Variants in C11orf65 observed in about 807,000 individuals in gnomAD.
The protein encoded by C11orf65 is protein MFI.
Under a neutral mutation model 35.3 loss-of-function variants are expected in C11orf65, and 38 were observed. That is an observed-to-expected ratio of 1.08 (90% CI 0.83 to 1.41). C11orf65 has a LOEUF of 1.41. Among genes scored for constraint, C11orf65 ranks in the 40% most tolerant of loss-of-function variants. The pLI, the probability that C11orf65 is intolerant of heterozygous loss-of-function variation, is 0.00. For synonymous variants in C11orf65, 105 were observed against 114.4 expected (o/e 0.92, Z 0.53); for missense variants, 370 against 367.1 (o/e 1.01, Z -0.06).
chr11:108,374,797 C>A (rs916411349), intron 2 of C11orf65, among the ~76,000 whole-genome samples: 1 of 152,106 alleles, frequency 6.6e-6, no homozygotes, highest in African/African-American at 2.4e-5. Context: ...CTTAAAGGAG[C>A]TGATGGAGCT....
At chr11:108,401,179 T>G (rs1224760300) in intron 6 of C11orf65, among the ~76,000 whole-genome samples, 1 of 151,880 alleles carries the variant, frequency 6.6e-6, no homozygotes, top group East Asian at 1.9e-4. Flanking sequence ...ACTTCATAGC[T>G]TGATGAAAAA....
rs2091248229 is a variant in C11orf65 at position 108,365,418 on chromosome 11, T to C, written c.226+27790A>G. Reference sequence around the variant, plus strand: ...GAGTGGAAGAAGGCACTGTGCTCAGTGTTGGTGGACAAGTGAATTTGCTCA... The same window carrying C: ...GAGTGGAAGAAGGCACTGTGCTCAGCGTTGGTGGACAAGTGAATTTGCTCA... On this transcript the variant is annotated intron_variant, in intron 2 of 3. Transcript: ENST00000524755. 6.2e-7 allele frequency: 1 copy of C among 1,614,192 alleles called. No individual in the cohort carries two copies. Among genetic ancestry groups the C allele is most frequent in the South Asian group, 1.1e-5 (1 of 91,086 alleles).
intron 2 of C11orf65, among the ~76,000 whole-genome samples, chr11:108,354,070 AACACACACACACACACAC>A (rs71047689): frequency 1.7e-5 from 2 of 114,948 alleles, no homozygotes; most frequent in African/African-American, 5.9e-5. Context: ...CACACACACA[AACACACACACACACACAC>A]ACACACACAC....
intron 3 of C11orf65, among the ~76,000 whole-genome samples, chr11:108,422,689 C>T (rs1276456372): frequency 6.6e-6 from 1 of 152,074 alleles, no homozygotes; most frequent in East Asian, 1.9e-4. Context: ...GGAGACCATC[C>T]TGGCTAACAT....
chr11:108,404,347 T>C (rs2092497205), intron 6 of C11orf65, among the ~76,000 whole-genome samples: 4 of 152,350 alleles, frequency 2.6e-5, no homozygotes, highest in Admixed American at 2.6e-4. Context: ...TAAATGTTGC[T>C]GTGACTTCCA....
chr11:108,314,114 A>G (rs676729), intron 6 of C11orf65, among the ~76,000 whole-genome samples: 74,854 of 151,838 alleles, frequency 0.49, 20,027 homozygotes, highest in Middle Eastern at 0.72. Context: ...TCTAATGTAC[A>G]GTTTTTTTGT....
In C11orf65 at chr11:108,382,853, T is replaced by G; in HGVS notation, c.*168A>C. Reference sequence around the variant, plus strand: ...ATTTCTATATTTGCCATGATCATTGTATTCAGTCCAGTGTTCTATTTCTGC... The same window carrying G: ...ATTTCTATATTTGCCATGATCATTGGATTCAGTCCAGTGTTCTATTTCTGC... On this transcript the variant is annotated 3_prime_UTR_variant, in exon 9 of 9. Transcript: ENST00000393084. 7.0e-7 allele frequency: 1 copy of G among 1,431,638 alleles called. No homozygotes were observed. The highest frequency in any genetic ancestry group is 9.1e-7 in the Non-Finnish European group (1 of 1,100,012). 88.7% of individuals were successfully genotyped at this position (1,431,638 alleles called of 1,614,324 possible). A position where few individuals can be genotyped will look rare whatever the true frequency, so the allele number is the denominator to read the frequency against.
chr11:108,354,687 A>G (rs969384235), intron 2 of C11orf65: 2 of 869,796 alleles, frequency 2.3e-6, no homozygotes, highest in Non-Finnish European at 3.9e-6. Context: ...TGCTATTTTG[A>G]GATACAGATA....
intron 2 of C11orf65, among the ~76,000 whole-genome samples, chr11:108,448,342 T>C (rs935664146): frequency 1.3e-5 from 2 of 152,166 alleles, no homozygotes; most frequent in African/African-American, 4.8e-5. Context: ...AAAAGAGAAT[T>C]TTAGGCCAAT....
At chr11:108,460,874 C>T (rs964796468) in intron 2 of C11orf65, among the ~76,000 whole-genome samples, 5 of 151,850 alleles carry the variant, frequency 3.3e-5, no homozygotes, top group East Asian at 1.9e-4. Flanking sequence ...TACAGGCATG[C>T]GCCACCACAC....
At chr11:108,464,552 G>C (rs1280028096) in intron 1 of C11orf65, among the ~76,000 whole-genome samples, 3 of 152,026 alleles carry the variant, frequency 2.0e-5, no homozygotes, top group Non-Finnish European at 2.9e-5. Context: ...AGTAGAGATG[G>C]GGTTTCACCA....
chr11:108,376,064 T>G (rs2091715236), intron 2 of C11orf65, among the ~76,000 whole-genome samples: 1 of 152,138 alleles, frequency 6.6e-6, no homozygotes, highest in South Asian at 2.1e-4. Flanking sequence ...ACTGTCAACA[T>G]TAGACAGATC....
intron 2 of C11orf65, among the ~76,000 whole-genome samples, chr11:108,358,405 G>T (rs1286179346): frequency 2.0e-5 from 3 of 149,428 alleles, no homozygotes; most frequent in African/African-American, 5.0e-5. Context: ...CCCCAATCTA[G>T]CAAGGCAGGC....
chr11:108,418,674 A>G (rs2092774853), intron 3 of C11orf65, among the ~76,000 whole-genome samples: 1 of 152,118 alleles, frequency 6.6e-6, no homozygotes, highest in African/African-American at 2.4e-5. Context: ...ATGAGGTAGG[A>G]CACAAATGAA....
chr11:108,406,729 G>T lies in C11orf65; in HGVS notation c.429+34C>A, dbSNP rs746931850. 1.5e-5 allele frequency: 20 copies of T among 1,361,752 alleles called. No homozygotes were observed. In the Admixed American group the frequency reaches 2.8e-4, roughly 19 times the overall value. 84.4% of individuals were successfully genotyped at this position (1,361,752 alleles called of 1,614,324 possible). A position where few individuals can be genotyped will look rare whatever the true frequency, so the allele number is the denominator to read the frequency against. On this transcript the variant is annotated intron_variant, in intron 5 of 8. Transcript: ENST00000393084. ...AAAAGACAAATGGGTTTCTAAATAC[G>T]TAAGGTTAAAAATTAACATTTCTCT...
At chr11:108,399,537 C>T (rs2092396005) in intron 6 of C11orf65, among the ~76,000 whole-genome samples, 1 of 152,106 alleles carries the variant, frequency 6.6e-6, no homozygotes, top group African/African-American at 2.4e-5. Flanking sequence ...TGTATAGATC[C>T]AACTTATTCC....
chr11:108,371,998 G>GTT (rs2091587354), intron 2 of C11orf65, among the ~76,000 whole-genome samples: 1 of 152,142 alleles, frequency 6.6e-6, no homozygotes. Flanking sequence ...GGTATTCTAA[G>GTT]TTTTAGAAAC....
intron 2 of C11orf65, among the ~76,000 whole-genome samples, chr11:108,449,192 G>C (rs1255262590): frequency 1.3e-5 from 2 of 152,080 alleles, no homozygotes; most frequent in African/African-American, 4.8e-5. Flanking sequence ...TCAATATCGT[G>C]AAAATGGCCC....
At chr11:108,382,561 A>G (rs2091887794), downstream of C11orf65, among the ~76,000 whole-genome samples, 1 of 152,222 alleles carries the variant, frequency 6.6e-6, no homozygotes, top group African/African-American at 2.4e-5. Context: ...GAGTAAGCAG[A>G]CAGAGAATCA....
Sources: allele counts gnomAD v4.1 joint callset (sites outside exome capture counted in the v4.1 genomes callset), GRCh38; gene constraint gnomAD v4.1.1; transcripts MANE v1.5; gene names NCBI Gene and HGNC (gene_info 2026-07-23, HGNC 2026-07-21).